Variants in LHX4 observed in about 807,000 individuals in gnomAD.
LHX4 encodes LIM/homeobox protein Lhx4.
LHX4 carries 16 observed loss-of-function variants against 39.2 expected under a neutral mutation model. The ratio of observed to expected loss-of-function variants is 0.41; its 90% CI spans 0.28 to 0.62. The LOEUF is 0.62. Ranked by LOEUF, LHX4 falls within the 20% of genes least tolerant of loss-of-function variation. The pLI is 0.33. For synonymous variants in LHX4, 206 were observed against 198.1 expected (o/e 1.04, Z -0.33); for missense variants, 439 against 511.9 (o/e 0.86, Z 1.37).
At chr1:180,271,175 C>T (rs983776294) in intron 3 of LHX4, 3 of 643,352 alleles carry the variant, frequency 4.7e-6, no homozygotes, top group African/African-American at 3.6e-5. Flanking sequence ...GCTGTCCTCA[C>T]TTTTCAGTGG....
chr1:180,258,954 G>A (rs1647986119), intron 2 of LHX4, among the ~76,000 whole-genome samples: 1 of 152,160 alleles, frequency 6.6e-6, no homozygotes, highest in South Asian at 2.1e-4. Flanking sequence ...GGTCTGAGAT[G>A]GGAAGGGCTA....
intron 1 of LHX4, among the ~76,000 whole-genome samples, chr1:180,237,310 G>T: frequency 6.6e-6 from 1 of 152,188 alleles, no homozygotes; most frequent in East Asian, 1.9e-4. Flanking sequence ...AAGCACAGGT[G>T]CTGGGTATAG....
chr1:180,269,737 G>C (rs961884762), intron 3 of LHX4: 2 of 152,234 alleles, frequency 1.3e-5, no homozygotes, highest in Non-Finnish European at 2.9e-5. Context: ...ATTCAAAGTT[G>C]CATCAGACAC....
chr1:180,236,170 G>A (rs1418893145), intron 1 of LHX4, among the ~76,000 whole-genome samples: 4 of 137,636 alleles, frequency 2.9e-5, no homozygotes, highest in Admixed American at 2.4e-4. Context: ...AAATACCAGG[G>A]TCCATTTTTA....
intron 2 of LHX4, among the ~76,000 whole-genome samples, chr1:180,255,387 C>G (rs776014698): frequency 6.6e-6 from 1 of 152,142 alleles, no homozygotes; most frequent in African/African-American, 2.4e-5. Flanking sequence ...CATACACACA[C>G]GCACACACGC....
intron 1 of LHX4, among the ~76,000 whole-genome samples, chr1:180,233,700 G>A (rs1250507954): frequency 6.6e-6 from 1 of 152,114 alleles, no homozygotes; most frequent in Non-Finnish European, 1.5e-5. Context: ...GGGAAAGGAC[G>A]ACGGAAGCCC....
chr1:180,274,603 T>C lies in LHX4; in HGVS notation c.*24T>C. The C allele has an allele frequency of 6.5e-7, 1 of 1,539,320 alleles. No individual in the cohort carries two copies. On this transcript the variant is annotated 3_prime_UTR_variant, in exon 6 of 6. Transcript: ENST00000263726. ...AAACTTCTCTCCTCCCCACCCTACCTGCCCCCCTGGCTTGAGAGAATATCT... is the reference window on the plus strand; with the variant it reads ...AAACTTCTCTCCTCCCCACCCTACCCGCCCCCCTGGCTTGAGAGAATATCT...
In LHX4 at chr1:180,234,169, TTA is replaced by T. The variant is rs777438399; in HGVS notation, c.76+3615_76+3616del. ...AACAGACACACACAACACACACAAA[TTA>T]TATATATATATATATATATATATAT... is the stretch of plus-strand genomic sequence containing the variant. On this transcript the variant is annotated intron_variant, in intron 1 of 5. Coordinates refer to ENST00000263726, the MANE Select transcript of LHX4 (RefSeq NM_033343.4). The surrounding 1 kb of genome is among the most constrained non-coding windows in gnomAD (Gnocchi z 4.8). Among the ~76,000 whole-genome samples, 1,144 of 53,056 alleles carry T rather than the reference TTA, an allele frequency of 0.022. 8 individuals are homozygous for T. The highest frequency in any genetic ancestry group is 0.026 in the Admixed American group (104 of 3,958). The allele number at this position is 53,056 out of a possible 152,430, so 34.8% of individuals were successfully genotyped here. A position where few individuals can be genotyped will look rare whatever the true frequency, so the allele number is the denominator to read the frequency against.
At chr1:180,258,775 G>A (rs976288488) in intron 2 of LHX4, among the ~76,000 whole-genome samples, 2 of 151,996 alleles carry the variant, frequency 1.3e-5, no homozygotes, top group Non-Finnish European at 1.5e-5. Context: ...CTGCACTCCA[G>A]TCTGGGCAAC....
rs139479246 is a variant in LHX4, at chr1:180,274,252, C to A, written c.846C>A (p.Gly282=). The change falls in exon 6 of 6, where the codon GGC becomes GGA. Residue 282 remains glycine, a synonymous_variant. Coordinates refer to ENST00000263726, the MANE Select transcript of LHX4 (RefSeq NM_033343.4). ...RIYGNVGDVT[G]GQLMNGSFSM... is the part of the protein sequence containing the mutation. ...ATGGCAACGTGGGGGACGTTACAGG[C>A]GGACAGTTAATGAATGGGAGCTTCT... The A allele has an allele frequency of 1.0e-4, 163 of 1,614,042 alleles. No individual in the cohort carries two copies. Among genetic ancestry groups the A allele is most frequent in the Non-Finnish European group, 1.7e-5 (20 of 1,180,014 alleles).
At chr1:180,259,957 G>A (rs188571468) in intron 2 of LHX4, among the ~76,000 whole-genome samples, 78 of 151,660 alleles carry the variant, frequency 5.1e-4, no homozygotes, top group Admixed American at 1.6e-3. Flanking sequence ...GCGGTGGGAG[G>A]GAGGGTAGAG....
chr1:180,261,205 G>A (rs963955916), intron 2 of LHX4, among the ~76,000 whole-genome samples: 2 of 150,774 alleles, frequency 1.3e-5, no homozygotes, highest in African/African-American at 4.9e-5. Context: ...TCGGGAGGCC[G>A]GGGAGAGGGG....
intron 2 of LHX4, among the ~76,000 whole-genome samples, chr1:180,262,919 T>C (rs1256717197): frequency 2.0e-5 from 3 of 152,186 alleles, no homozygotes; most frequent in Non-Finnish European, 4.4e-5. Context: ...CATTAGCAAG[T>C]CTTCCTTGCA....
At chr1:180,252,539 T>C (rs1199332451) in intron 2 of LHX4, among the ~76,000 whole-genome samples, 1 of 152,190 alleles carries the variant, frequency 6.6e-6, no homozygotes, top group African/African-American at 2.4e-5. Flanking sequence ...GCAGGGCTCA[T>C]TGGTTCCCTG....
chr1:180,269,143 G>C (rs1020038031), intron 3 of LHX4, among the ~76,000 whole-genome samples: 7 of 2,118 alleles, frequency 3.3e-3, no homozygotes, highest in Admixed American at 0.025. Context: ...GAGTGTGTGG[G>C]GGGGGGGGTG....
intron 2 of LHX4, chr1:180,248,784 T>A: frequency 2.6e-6 from 1 of 388,306 alleles, no homozygotes; most frequent in South Asian, 2.2e-5. Flanking sequence ...ACAGAAAGAG[T>A]TGCTCTTTCT....
intron 2 of LHX4, among the ~76,000 whole-genome samples, chr1:180,253,442 A>G (rs1571269566): frequency 6.6e-6 from 1 of 152,226 alleles, no homozygotes; most frequent in Admixed American, 6.5e-5. Flanking sequence ...GTTTCTTTGC[A>G]TCTCTGAGCA....
chr1:180,243,163 T>G (rs1245283342), intron 1 of LHX4, among the ~76,000 whole-genome samples: 2 of 152,032 alleles, frequency 1.3e-5, no homozygotes, highest in Admixed American at 1.3e-4. Context: ...TAATTTTTGT[T>G]TTTTTAGTAG....
intron 2 of LHX4, among the ~76,000 whole-genome samples, chr1:180,261,796 C>T (rs374572234): frequency 3.3e-5 from 5 of 152,182 alleles, no homozygotes; most frequent in African/African-American, 9.7e-5. Context: ...AGCTCGCTCA[C>T]GCCGCCAGTC....
Sources: allele counts gnomAD v4.1 joint callset (sites outside exome capture counted in the v4.1 genomes callset), GRCh38; gene constraint gnomAD v4.1.1; non-coding constraint Gnocchi (gnomAD v3.1); transcripts MANE v1.5; gene names NCBI Gene and HGNC (gene_info 2026-07-23, HGNC 2026-07-21).